Variants in PRKACA observed in about 807,000 individuals in gnomAD.
PRKACA encodes cAMP-dependent protein kinase catalytic subunit alpha.
PRKACA carries 9 observed loss-of-function variants against 45.8 expected under a neutral mutation model. That is an observed-to-expected ratio of 0.20 (90% CI 0.12 to 0.34). The LOEUF is 0.34. PRKACA is among the 10% of genes least tolerant of loss of function. The probability of loss-of-function intolerance (pLI) is 1.00; values close to 1 mark genes in which losing one functional copy is unlikely to be tolerated. For synonymous variants in PRKACA, 160 were observed against 178.6 expected (o/e 0.90, Z 0.83); for missense variants, 238 against 458.6 (o/e 0.52, Z 4.39).
Position 14,097,717 on chromosome 19 carries a change from A to G in PRKACA, c.547-43T>C. 8 of 1,613,570 alleles carry G rather than the reference A, an allele frequency of 5.0e-6. No individual in the cohort carries two copies. Among genetic ancestry groups the G allele is most frequent in the Non-Finnish European group, 6.8e-6 (8 of 1,179,610 alleles). On this transcript the variant is annotated intron_variant, in intron 6 of 9. Transcript: ENST00000308677. The surrounding 1 kb of genome is among the most constrained non-coding windows in gnomAD (Gnocchi z 5.4). ...GGCAGTTGGCAGGGAGGAAGGGTCC[A>G]GGCCACGGCTTCCCCAGGGCTGCCC...
At chr19:14,109,515 G>C (rs1977709204) in intron 1 of PRKACA, among the ~76,000 whole-genome samples, 1 of 151,958 alleles carries the variant, frequency 6.6e-6, no homozygotes, top group African/African-American at 2.4e-5. Context: ...CTACCTGGGA[G>C]GCTGAGGCAG....
At chr19:14,115,699 T>C (rs1967090982) in intron 1 of PRKACA, among the ~76,000 whole-genome samples, 1 of 152,218 alleles carries the variant, frequency 6.6e-6, no homozygotes, top group Non-Finnish European at 1.5e-5. Flanking sequence ...GATCTTTTTC[T>C]TGGGATCCTT....
Position 14,092,413 on chromosome 19 carries a change from T to A in PRKACA, c.*699A>T, listed in dbSNP as rs751142658. ...TCCCCGGGGAGGGGCCCAGGGGAGA[T>A]TAGCAGCGGGGAGGTTCAAACCCCA... On this transcript the variant is annotated 3_prime_UTR_variant, in exon 10 of 10. Coordinates refer to ENST00000308677, the MANE Select transcript of PRKACA (RefSeq NM_002730.4). 1.8e-4 allele frequency: 68 copies of A among 371,910 alleles called. No homozygotes were observed. Among genetic ancestry groups the A allele is most frequent in the Non-Finnish European group, 2.9e-4 (60 of 209,592 alleles). The allele number at this position is 371,910 out of a possible 1,614,324, so 23.0% of individuals were successfully genotyped here. A position where few individuals can be genotyped will look rare whatever the true frequency, so the allele number is the denominator to read the frequency against.
At chr19:14,104,788 G>A (rs1485934204) in intron 3 of PRKACA, among the ~76,000 whole-genome samples, 1 of 151,824 alleles carries the variant, frequency 6.6e-6, no homozygotes, top group Non-Finnish European at 1.5e-5. Context: ...CACAAGAATC[G>A]CTTGAAACCC....
chr19:14,101,932 G>A (rs188230315), intron 4 of PRKACA, among the ~76,000 whole-genome samples: 63 of 152,296 alleles, frequency 4.1e-4, no homozygotes, highest in African/African-American at 1.5e-3. Flanking sequence ...GGGAGGCCAA[G>A]GCAGGCAGAT....
intron 4 of PRKACA, 72 bp from the exon 5 acceptor site, chr19:14,100,980 C>G: frequency 7.4e-7 from 1 of 1,343,144 alleles, no homozygotes; most frequent in Non-Finnish European, 1.1e-6. Context: ...TTGGGGGCCT[C>G]CCCGGCTGGT....
chr19:14,092,611 G>A lies in PRKACA; in HGVS notation c.*501C>T, dbSNP rs920435910. 7.5e-6 allele frequency: 3 copies of A among 398,606 alleles called. No homozygotes were observed. Among genetic ancestry groups the A allele is most frequent in the African/African-American group, 2.1e-5 (1 of 48,522 alleles). 24.7% of individuals were successfully genotyped at this position (398,606 alleles called of 1,614,324 possible). On this transcript the variant is annotated 3_prime_UTR_variant, in exon 10 of 10. Transcript: ENST00000308677. ...TTCTAGCAAGCAACCCACTGAACAT[G>A]TCACTAAAAATCTCTCCTTCCCAGG...
chr19:14,111,172 C>G (rs111817866), intron 1 of PRKACA, among the ~76,000 whole-genome samples: 5,015 of 152,216 alleles, frequency 0.033, 279 homozygotes, highest in African/African-American at 0.12. Flanking sequence ...CTGAGACAGG[C>G]AGATCACCTG....
At position 14,097,803 on chromosome 19, in the gene PRKACA, C is replaced by T; in HGVS notation, c.507G>A (p.Lys169=). 1 of 1,614,192 alleles carries T rather than the reference C, an allele frequency of 6.2e-7. No homozygotes were observed. Among genetic ancestry groups the T allele is most frequent in the African/African-American group, 1.3e-5 (1 of 75,046 alleles). The part of the protein sequence containing the change: ...HSLDLIYRDL[K]PENLLIDQQG... ...GCTGGTCAATGAGCAGATTCTCCGG[C>T]TTCAGGTCCCTGTAGATGAGATCCA... is the stretch of plus-strand genomic sequence containing the variant. Residue 169 remains lysine, a synonymous_variant, in exon 6 of 10, where the codon AAG becomes AAA. Transcript: ENST00000308677. This position sits in a 1 kb window ranked among gnomAD's most constrained non-coding sequence, Gnocchi z 5.4.
chr19:14,093,424 C>G (rs1014776245), intron 9 of PRKACA, among the ~76,000 whole-genome samples, 187 bp from the exon 10 acceptor site: 1 of 152,228 alleles, frequency 6.6e-6, no homozygotes, highest in African/African-American at 2.4e-5. Flanking sequence ...GGGGAAATTA[C>G]TTCCCAGAGA....
chr19:14,098,731 T>C (rs1265344680), intron 5 of PRKACA, among the ~76,000 whole-genome samples: 1 of 149,058 alleles, frequency 6.7e-6, no homozygotes. Context: ...CCTGACCTTG[T>C]GATTCGCCCG....
At chr19:14,116,660 C>G (rs986853895) in intron 1 of PRKACA, among the ~76,000 whole-genome samples, 3 of 152,030 alleles carry the variant, frequency 2.0e-5, no homozygotes, top group Non-Finnish European at 4.4e-5. Flanking sequence ...GGGGGCTCTG[C>G]CACCACCCCC....
chr19:14,102,410 C>T (rs7246580), intron 4 of PRKACA, among the ~76,000 whole-genome samples: 2 of 152,238 alleles, frequency 1.3e-5, no homozygotes, highest in Admixed American at 6.5e-5. Context: ...CTGGTATGAT[C>T]CCCATTTTAC....
chr19:14,115,878 C>T (rs566924337), intron 1 of PRKACA, among the ~76,000 whole-genome samples: 1 of 152,140 alleles, frequency 6.6e-6, no homozygotes. Context: ...CTCCTCCCCC[C>T]CCGGCCAAGT....
chr19:14,117,150 T>G (rs1599353450), intron 1 of PRKACA, among the ~76,000 whole-genome samples: 3 of 103,466 alleles, frequency 2.9e-5, no homozygotes, highest in Non-Finnish European at 3.9e-5. Flanking sequence ...GTGAGAGAGG[T>G]GAGTGAGGAA....
At chr19:14,105,402 T>C (rs1167371331) in intron 3 of PRKACA, among the ~76,000 whole-genome samples, 1 of 151,878 alleles carries the variant, frequency 6.6e-6, no homozygotes, top group Non-Finnish European at 1.5e-5. Context: ...TCCCAGCTAC[T>C]TGGGAAGCTG....
At chr19:14,098,630 G>A (rs953165987) in intron 5 of PRKACA, among the ~76,000 whole-genome samples, 1 of 151,586 alleles carries the variant, frequency 6.6e-6, no homozygotes, top group African/African-American at 2.4e-5. Flanking sequence ...TGAGTAGCTG[G>A]GATTACAGGT....
rs754730934 is a variant in PRKACA at position 14,097,866 on chromosome 19, C to G, written c.444G>C (p.Ala148=). 1 of 1,614,078 alleles carries G rather than the reference C, an allele frequency of 6.2e-7. No individual in the cohort carries two copies. The highest frequency in any genetic ancestry group is 8.5e-7 in the Non-Finnish European group (1 of 1,180,022). ...ACTCAAAGGTCAGGACGATCTGGGC[C>G]GCGTAGAAACGGGCATGGGGCTCAC... ...RFSEPHARFY[A]AQIVLTFEYL... is the part of the protein sequence containing the mutation. The change falls in exon 6 of 10, where the codon GCG becomes GCC. Residue 148 remains alanine (A), a synonymous_variant. Transcript: ENST00000308677. This position sits in a 1 kb window ranked among gnomAD's most constrained non-coding sequence, Gnocchi z 5.4.
intron 1 of PRKACA, among the ~76,000 whole-genome samples, chr19:14,117,075 A>T (rs974212231): frequency 4.6e-5 from 7 of 151,804 alleles, no homozygotes; most frequent in Non-Finnish European, 8.8e-5. Context: ...GTGGAGGCAG[A>T]CAGACCTCAT....
Sources: gnomAD v4.1 joint callset for allele counts (sites outside exome capture counted in the v4.1 genomes callset) on GRCh38, gnomAD v4.1.1 for gene constraint, Gnocchi (gnomAD v3.1) non-coding constraint, MANE v1.5 for transcripts, NCBI Gene and HGNC (gene_info 2026-07-23, HGNC 2026-07-21) for gene names.